PCSK6: variants seen among roughly 807,000 people sequenced by gnomAD.
PCSK6 encodes proprotein convertase subtilisin/kexin type 6, also known as paired basic amino acid cleaving enzyme 4.
A neutral mutation model predicts 123.3 loss-of-function variants in PCSK6; 85 were observed. That is an observed-to-expected ratio of 0.69 (90% CI 0.58 to 0.83). The LOEUF (loss-of-function observed/expected upper bound fraction) is 0.83. Among genes scored for constraint, PCSK6 ranks in the 40% least tolerant of loss-of-function variants. PCSK6 has a pLI of 0.00. For missense variants in PCSK6, 1,191 were observed against 1,282.3 expected (o/e 0.93, Z 1.09); for synonymous variants, 508 against 516.0 (o/e 0.98, Z 0.21).
chr15:101,462,895 T>C (rs1472303947), intron 1 of PCSK6, among the ~76,000 whole-genome samples: 1 of 152,134 alleles, frequency 6.6e-6, no homozygotes, highest in Non-Finnish European at 1.5e-5. Context: ...CCCAGGCACA[T>C]GGCTATGGGG....
At chr15:101,422,659 CG>C (rs762748485) in intron 6 of PCSK6, among the ~76,000 whole-genome samples, 169 of 151,452 alleles carry the variant, frequency 1.1e-3, no homozygotes, top group Non-Finnish European at 2.1e-3. Context: ...CTCGCTCTGT[CG>C]CCCAGGCTGG....
intron 2 of PCSK6, 45 bp downstream of exon 2, chr15:101,443,511 A>C (rs1404266007): frequency 7.3e-7 from 1 of 1,375,740 alleles, no homozygotes; most frequent in Non-Finnish European, 1.0e-6. Context: ...AAGACCACAG[A>C]CCCAAACCCT....
At chr15:101,388,087 T>C (rs1173294064) in intron 9 of PCSK6, among the ~76,000 whole-genome samples, 2 of 152,230 alleles carry the variant, frequency 1.3e-5, no homozygotes, top group Non-Finnish European at 2.9e-5. Flanking sequence ...TTTAGCTCTT[T>C]GCATGTTTCC....
chr15:101,429,920 C>T (rs969901665), intron 5 of PCSK6, 67 bp downstream of exon 5: 5 of 1,368,380 alleles, frequency 3.7e-6, no homozygotes, highest in South Asian at 3.5e-5. Context: ...CTCCCTCGCA[C>T]ACACATTCAA....
chr15:101,374,928 G>A (rs530179137), intron 11 of PCSK6, among the ~76,000 whole-genome samples: 24 of 151,950 alleles, frequency 1.6e-4, no homozygotes, highest in Non-Finnish European at 3.1e-4. Flanking sequence ...TATGAGTTCA[G>A]ACTGAGAATT....
chr15:101,436,733 G>C (rs985846673), intron 2 of PCSK6, among the ~76,000 whole-genome samples: 17 of 152,216 alleles, frequency 1.1e-4, no homozygotes, highest in Non-Finnish European at 2.2e-4. Flanking sequence ...CTCTCTCAGA[G>C]CTTGTGCACT....
chr15:101,425,809 C>T (rs534197735), intron 6 of PCSK6, among the ~76,000 whole-genome samples: 7 of 151,516 alleles, frequency 4.6e-5, no homozygotes, highest in East Asian at 1.9e-4. Context: ...AGCTATCTAA[C>T]GGTAATGCTG....
chr15:101,419,394 C>T (rs909650087), intron 6 of PCSK6, among the ~76,000 whole-genome samples: 1 of 151,966 alleles, frequency 6.6e-6, no homozygotes, highest in Non-Finnish European at 1.5e-5. Flanking sequence ...AGTGATAAAA[C>T]TTTAAAAAAC....
intron 11 of PCSK6, among the ~76,000 whole-genome samples, chr15:101,381,750 T>C (rs1471588546): frequency 2.0e-5 from 3 of 152,154 alleles, no homozygotes; most frequent in Admixed American, 6.5e-5. Context: ...CCCATTTCAC[T>C]TTCTGGGAGG....
Position 101,386,151 on chromosome 15 carries a change from G to A in PCSK6, c.1311-1726C>T, listed in dbSNP as rs777383448. 4.2e-4 allele frequency among the ~76,000 whole-genome samples: 64 copies of A among 152,208 alleles called. 2 individuals are homozygous for A. Among genetic ancestry groups the A allele is most frequent in the Non-Finnish European group, 5.6e-4 (38 of 68,026 alleles). On this transcript the variant is annotated intron_variant, in intron 9 of 21. Coordinates refer to ENST00000611716, the MANE Select transcript of PCSK6 (RefSeq NM_002570.5). Reference sequence around the variant, plus strand: ...CTCTCGGTGCGTGTTTACTAGGAACGCACGCCGCGCCACAGGTGCTGCCTC... The same window carrying A: ...CTCTCGGTGCGTGTTTACTAGGAACACACGCCGCGCCACAGGTGCTGCCTC...
In PCSK6 at chr15:101,304,073, CAG is replaced by C. The variant is rs143644635; in HGVS notation, c.*1183_*1184del. On this transcript the variant is annotated 3_prime_UTR_variant, in exon 22 of 22. Transcript: ENST00000611716. ...ACAAGGCAAATGCACTGTCGTCAAA[CAG>C]GGGAGCAGGACAATATGGAGAAAGA... is the stretch of plus-strand genomic sequence containing the variant. 2.6e-4 allele frequency: 39 copies of C among 152,694 alleles called. No homozygotes were observed. Among genetic ancestry groups the C allele is most frequent in the East Asian group, 1.5e-3 (8 of 5,192 alleles). 9.5% of individuals were successfully genotyped at this position (152,694 alleles called of 1,614,324 possible).
At chr15:101,360,584 G>A (rs61479345) in intron 13 of PCSK6, among the ~76,000 whole-genome samples, 54 of 100,586 alleles carry the variant, frequency 5.4e-4, no homozygotes, top group African/African-American at 2.3e-3. Context: ...ACTCCTGCCC[G>A]GGGGCCTTAG....
rs142239496 is a variant in PCSK6 at position 101,328,863 on chromosome 15, C to T, written c.2078-2384G>A. On this transcript the variant is annotated intron_variant, in intron 15 of 21. Transcript: ENST00000611716. ...AAAAGCCAAATATCCAGGTTCCTCTCGCCCATGAAGCGTTCTTAAATTAAA... is the reference window on the plus strand; with the variant it reads ...AAAAGCCAAATATCCAGGTTCCTCTTGCCCATGAAGCGTTCTTAAATTAAA... Among the ~76,000 whole-genome samples, 142 of 152,338 alleles carry T rather than the reference C, an allele frequency of 9.3e-4. 1 individual carries two copies. Among genetic ancestry groups the T allele is most frequent in the Non-Finnish European group, 1.5e-3 (103 of 68,032 alleles).
At chr15:101,452,954 T>C (rs764727137) in intron 1 of PCSK6, among the ~76,000 whole-genome samples, 17 of 152,216 alleles carry the variant, frequency 1.1e-4, no homozygotes, top group Non-Finnish European at 2.2e-4. Flanking sequence ...AGCTTTGCCC[T>C]GTGCATTCAA....
chr15:101,451,474 G>C (rs115220192), intron 1 of PCSK6, among the ~76,000 whole-genome samples: 1 of 152,056 alleles, frequency 6.6e-6, no homozygotes, highest in Admixed American at 6.5e-5. Flanking sequence ...CCTTCCACAC[G>C]GGAACAGCTG....
At chr15:101,445,685 T>C (rs146061490) in intron 1 of PCSK6, among the ~76,000 whole-genome samples, 258 of 152,326 alleles carry the variant, frequency 1.7e-3, no homozygotes, top group African/African-American at 5.6e-3. Context: ...ACATGTTTGC[T>C]CATAAGCTGC....
intron 4 of PCSK6, 130 bp from the exon 5 acceptor site, chr15:101,430,193 A>ATATACGT: frequency 2.9e-6 from 2 of 688,250 alleles, no homozygotes; most frequent in Non-Finnish European, 5.2e-6. Flanking sequence ...CTATAATCTC[A>ATATACGT]TATACGTTTT....
At chr15:101,355,574 C>T in intron 13 of PCSK6, among the ~76,000 whole-genome samples, 1 of 152,254 alleles carries the variant, frequency 6.6e-6, no homozygotes, top group East Asian at 1.9e-4. Flanking sequence ...ACACCCCTCA[C>T]ACCCATGCCT....
At chr15:101,456,423 T>G (rs1040504410) in intron 1 of PCSK6, among the ~76,000 whole-genome samples, 14 of 152,226 alleles carry the variant, frequency 9.2e-5, no homozygotes, top group Admixed American at 3.9e-4. Flanking sequence ...CTCAAGCCAC[T>G]GCAGGTCTCC....
Sources: allele counts gnomAD v4.1 joint callset (sites outside exome capture counted in the v4.1 genomes callset), GRCh38; gene constraint gnomAD v4.1.1; transcripts MANE v1.5; gene names NCBI Gene and HGNC (gene_info 2026-07-23, HGNC 2026-07-21).